COL12A1: variants seen among roughly 807,000 people sequenced by gnomAD.
The protein encoded by COL12A1 is collagen alpha-1(XII) chain.
A neutral mutation model predicts 349.7 loss-of-function variants in COL12A1; 114 were observed. The ratio of observed to expected loss-of-function variants is 0.33; its 90% CI spans 0.28 to 0.38. The LOEUF (loss-of-function observed/expected upper bound fraction) is 0.38. Among genes scored for constraint, COL12A1 ranks in the 10% least tolerant of loss-of-function variants. The pLI is 1.00. For synonymous variants in COL12A1, 1,369 were observed against 1,329.0 expected, an observed-to-expected ratio of 1.03 and a Z score of -0.66; for missense variants, 3,284 against 3,756.9, an observed-to-expected ratio of 0.87 and a Z score of 3.29.
At chr6:75,144,623 G>A (rs1010851480) in intron 25 of COL12A1, among the ~76,000 whole-genome samples, 3 of 152,092 alleles carry the variant, frequency 2.0e-5, no homozygotes, top group South Asian at 2.1e-4. Context: ...TCATTGTCAC[G>A]CTTCAAGAAA....
chr6:75,103,045 T>C (rs1768377800), intron 55 of COL12A1, among the ~76,000 whole-genome samples: 1 of 152,172 alleles, frequency 6.6e-6, no homozygotes, highest in Non-Finnish European at 1.5e-5. Context: ...AGTCCTCATT[T>C]CTCTTAGACT....
chr6:75,121,977 A>C (rs770630785), intron 43 of COL12A1, among the ~76,000 whole-genome samples: 6 of 150,730 alleles, frequency 4.0e-5, no homozygotes. Context: ...CTCCTGCCTC[A>C]GCCTCCTGAG....
Position 75,106,553 on chromosome 6 carries a change from G to A in COL12A1, c.8101-57C>T. The A allele has an allele frequency of 8.1e-6, 12 of 1,489,780 alleles. No homozygotes were observed. The South Asian group carries it at 1.3e-4, about 16-fold the overall frequency. 92.3% of individuals were successfully genotyped at this position (1,489,780 alleles called of 1,614,324 possible). A position where few individuals can be genotyped will look rare whatever the true frequency, so the allele number is the denominator to read the frequency against. ...GATGCATGAAAAACATTTTATATTG[G>A]CACTTCCACATTTTAACATTGCCAA... On this transcript the variant is annotated intron_variant, in intron 52 of 65. Coordinates refer to ENST00000322507, the MANE Select transcript of COL12A1 (RefSeq NM_004370.6).
chr6:75,178,752 C>A (rs989993661), intron 11 of COL12A1, among the ~76,000 whole-genome samples: 15 of 152,266 alleles, frequency 9.9e-5, no homozygotes, highest in African/African-American at 3.4e-4. Flanking sequence ...TGGCAAATAA[C>A]ACACAGACAT....
In COL12A1 at chr6:75,175,096, T is replaced by A; in HGVS notation, c.2652A>T (p.Thr884=). The change falls in exon 13 of 66, where the codon ACA becomes ACT. Residue 884 remains threonine, a synonymous_variant. Coordinates refer to ENST00000322507, the MANE Select transcript of COL12A1 (RefSeq NM_004370.6). ...KEGTQYALSV[T]ALYASGAGDA... is the part of the protein sequence containing the mutation. Reference sequence around the variant, plus strand: ...CTCCAGCCCCAGACGCATACAAGGCTGTCACAGATAAGGCGTATTGTGTCC... The same window carrying A: ...CTCCAGCCCCAGACGCATACAAGGCAGTCACAGATAAGGCGTATTGTGTCC... 1 of 1,614,208 alleles carries A rather than the reference T, an allele frequency of 6.2e-7. No homozygotes were observed. Among genetic ancestry groups the A allele is most frequent in the Non-Finnish European group, 8.5e-7 (1 of 1,180,030 alleles).
intron 31 of COL12A1, among the ~76,000 whole-genome samples, chr6:75,136,559 G>C (rs190749054): frequency 7.0e-4 from 106 of 152,192 alleles, no homozygotes; most frequent in African/African-American, 2.5e-3. Context: ...GCTTGAGCTC[G>C]GCAAGTCAGA....
chr6:75,164,067 G>T (rs899498023), intron 14 of COL12A1, among the ~76,000 whole-genome samples: 9 of 152,110 alleles, frequency 5.9e-5, no homozygotes, highest in African/African-American at 2.2e-4. Context: ...AGTAGAGAAT[G>T]AATTTCTACC....
chr6:75,169,244 G>T (rs1174479011), intron 13 of COL12A1, among the ~76,000 whole-genome samples: 2 of 152,200 alleles, frequency 1.3e-5, no homozygotes, highest in African/African-American at 2.4e-5. Flanking sequence ...ACTACAGGAA[G>T]AAATTATCCG....
chr6:75,117,073 C>T (rs954688380), intron 47 of COL12A1, among the ~76,000 whole-genome samples: 3 of 152,112 alleles, frequency 2.0e-5, no homozygotes, highest in African/African-American at 4.8e-5. Context: ...ACAGAAACGC[C>T]TTCTATATGC....
intron 64 of COL12A1, 77 bp from the exon 65 acceptor site, chr6:75,087,824 G>T: frequency 6.9e-7 from 1 of 1,440,858 alleles, no homozygotes; most frequent in South Asian, 1.2e-5. Flanking sequence ...TACTTTAAGT[G>T]GCACCTCCAC....
At position 75,181,218 on chromosome 6, in the gene COL12A1, A is replaced by G. The variant is rs779185109; in HGVS notation, c.1892-7T>C. 1.1e-5 allele frequency: 11 copies of G among 1,020,194 alleles called. No individual in the cohort carries two copies. The highest frequency in any genetic ancestry group is 2.2e-5 in the South Asian group (1 of 44,452). The allele number at this position is 1,020,194 out of a possible 1,614,324, so 63.2% of individuals were successfully genotyped here. ...TCCTTTGGAGGGACGTAAGCTATTT[A>G]AAAAAAAAAAAAGACAGTTAAAAAT... On this transcript the variant is annotated splice_region_variant and splice_polypyrimidine_tract_variant and intron_variant, in intron 10 of 65. Transcript: ENST00000322507.
chr6:75,168,085 G>A (rs933180553), intron 13 of COL12A1, among the ~76,000 whole-genome samples: 1 of 152,132 alleles, frequency 6.6e-6, no homozygotes. Flanking sequence ...TAGCAACATA[G>A]ACTCCAAAGA....
chr6:75,150,346 T>G (rs368058911), intron 21 of COL12A1, among the ~76,000 whole-genome samples: 7 of 152,284 alleles, frequency 4.6e-5, no homozygotes, highest in African/African-American at 1.4e-4. Context: ...ATAATTTTAT[T>G]TCAATATCCT....
intron 38 of COL12A1, 72 bp from the exon 39 acceptor site, chr6:75,126,542 A>G (rs1398993533): frequency 6.7e-7 from 1 of 1,500,196 alleles, no homozygotes; most frequent in African/African-American, 1.4e-5. Flanking sequence ...CTTTAAAAGT[A>G]TCGGTAGGAA....
intron 54 of COL12A1, among the ~76,000 whole-genome samples, chr6:75,104,670 C>A (rs77327170): frequency 1.3e-5 from 2 of 152,170 alleles, no homozygotes; most frequent in South Asian, 4.1e-4. Context: ...CTTGGTTTTC[C>A]CTCCCAACCA....
intron 29 of COL12A1, 52 bp from the exon 30 acceptor site, chr6:75,138,392 T>C (rs765555830): frequency 6.2e-7 from 1 of 1,607,786 alleles, no homozygotes; most frequent in Non-Finnish European, 8.5e-7. Flanking sequence ...TGTAGCCCTA[T>C]TTTTTAAAAA....
chr6:75,186,732 G>A (rs1205419271), intron 8 of COL12A1, among the ~76,000 whole-genome samples: 1 of 152,106 alleles, frequency 6.6e-6, no homozygotes, highest in African/African-American at 2.4e-5. Flanking sequence ...CCCTATCAAT[G>A]ATAGACTGGA....
In COL12A1 at chr6:75,124,259, T is replaced by G; in HGVS notation, c.6720A>C (p.Ala2240=). ...ATSYRLKLSP[A]DGTRGQEITV... ...TTTTCTTTTTTACACACATACCATC[T>G]GCAGGGCTTAGTTTTAGCCTGTAGG... The change falls in exon 41 of 66, where the codon GCA becomes GCC. Residue 2240 remains alanine, a synonymous_variant. Coordinates refer to ENST00000322507, the MANE Select transcript of COL12A1 (RefSeq NM_004370.6). The G allele has an allele frequency of 6.2e-7, 1 of 1,613,114 alleles. No homozygotes were observed. The highest frequency in any genetic ancestry group is 8.5e-7 in the Non-Finnish European group (1 of 1,179,394).
Position 75,137,537 on chromosome 6 carries a change from G to A in COL12A1, c.5294C>T (p.Thr1765Ile). Residue 1765 changes from threonine to isoleucine, a missense_variant, in exon 31 of 66, where the codon ACA becomes ATA. By Grantham distance (89) the Thr-to-Ile change is moderately conservative (BLOSUM62 -1). Around this residue, in one of 2 missense-constraint regions of COL12A1, gnomAD observed 2,601 missense variants for 2,824.8 expected, o/e 0.92. Transcript: ENST00000322507. The part of the protein sequence containing the change: ...GPRNLQVYNA[T>I]SNSLTVKWDP... ...CCACTTAACAGTCAGGCTGTTAGAT[G>A]TTGCATTGTACACTTGAAGGTTTCG... 6.2e-7 allele frequency: 1 copy of A among 1,613,908 alleles called. No homozygotes were observed. The highest frequency in any genetic ancestry group is 1.1e-5 in the South Asian group (1 of 91,058).
Sources: gnomAD v4.1 joint callset for allele counts (sites outside exome capture counted in the v4.1 genomes callset) on GRCh38, gnomAD v4.1.1 for gene constraint, gnomAD v4.1.1 regional missense constraint, MANE v1.5 for transcripts, NCBI Gene and HGNC (gene_info 2026-07-23, HGNC 2026-07-21) for gene names.